The following LPA variants were observed in gnomAD, a reference collection of about 807,000 sequenced individuals.
LPA encodes apolipoprotein(a).
In LPA, 199 loss-of-function variants were observed where a neutral mutation model predicts 197.9. The ratio of observed to expected loss-of-function variants is 1.01; its 90% confidence interval spans 0.90 to 1.13. LPA has a LOEUF of 1.13. Ranked by LOEUF, LPA falls within the 50% of genes most tolerant of loss-of-function variation. The probability of loss-of-function intolerance (pLI) is 0.00; values close to 1 mark genes in which losing one functional copy is unlikely to be tolerated. For synonymous variants in LPA, 715 were observed against 639.5 expected, an observed-to-expected ratio of 1.12 and a Z score of -1.78; for missense variants, 1,853 against 1,785.8, an observed-to-expected ratio of 1.04 and a Z score of -0.68.
In LPA at chr6:160,601,053, G is replaced by T; in HGVS notation, c.2991C>A (p.Ala997=). ...NYCRNPDPVA[A]PWCYTTDPSV... ...TGGGATCTGTTGTATAACACCAAGG[G>T]GCTGCCACAGGATCTGGATTTCGGC... The change falls in exon 19 of 39, where the codon GCC becomes GCA. Residue 997 remains alanine (A), a synonymous_variant. Coordinates refer to ENST00000316300, the MANE Select transcript of LPA (RefSeq NM_005577.4). The T allele has an allele frequency of 6.2e-7, 1 of 1,614,044 alleles. No individual in the cohort carries two copies. The highest frequency in any genetic ancestry group is 1.1e-5 in the South Asian group (1 of 91,082).
chr6:160,546,290 A>G (rs1175106356), intron 32 of LPA, among the ~76,000 whole-genome samples: 2 of 152,142 alleles, frequency 1.3e-5, no homozygotes, highest in East Asian at 1.9e-4. Flanking sequence ...TGAAGCCTCC[A>G]TAAAAACCCA....
intron 28 of LPA, among the ~76,000 whole-genome samples, chr6:160,567,966 A>T (rs1488605041): frequency 6.6e-6 from 1 of 152,242 alleles, no homozygotes; most frequent in Non-Finnish European, 1.5e-5. Context: ...ATCCTTGAAT[A>T]GACCAATAAC....
chr6:160,663,389 G>A (rs1164910681), intron 1 of LPA, among the ~76,000 whole-genome samples: 1 of 152,148 alleles, frequency 6.6e-6, no homozygotes, highest in Non-Finnish European at 1.5e-5. Flanking sequence ...TTGGTCACGA[G>A]ACAAATAACA....
intron 1 of LPA, among the ~76,000 whole-genome samples, chr6:160,656,870 T>C (rs776973211): frequency 2.0e-5 from 3 of 152,228 alleles, no homozygotes; most frequent in Non-Finnish European, 4.4e-5. Flanking sequence ...TTTGTTTATA[T>C]AAATCAAGTA....
chr6:160,553,651 C>T (rs9457936), intron 30 of LPA, among the ~76,000 whole-genome samples: 10 of 152,156 alleles, frequency 6.6e-5, no homozygotes, highest in African/African-American at 1.7e-4. Flanking sequence ...TGATGTTGGA[C>T]GATTTATCTA....
rs1462375086 is a variant in LPA at position 160,587,783 on chromosome 6, G to T, written c.3948-1153C>A. 1.3e-3 allele frequency among the ~76,000 whole-genome samples: 164 copies of T among 121,736 alleles called. 4 individuals are homozygous for T. The East Asian group carries it at 0.034, about 26-fold the overall frequency. The allele number at this position is 121,736 out of a possible 152,430, so 79.9% of individuals were successfully genotyped here. A position where few individuals can be genotyped will look rare whatever the true frequency, so the allele number is the denominator to read the frequency against. ...TGTGTGTGTGTGTGTGTGTGTGTGT[G>T]TGTGTGTGTGTGTGTGTTTCTGTCT... On this transcript the variant is annotated intron_variant, in intron 24 of 38. Transcript: ENST00000316300.
chr6:160,635,450 A>G, intron 6 of LPA, 146 bp from the exon 7 acceptor site: 4 of 452,136 alleles, frequency 8.8e-6, no homozygotes, highest in South Asian at 4.4e-5. Flanking sequence ...CCACCAGCAA[A>G]AATGGCTCTC....
At chr6:160,654,103 A>AT (rs533981032) in intron 1 of LPA, among the ~76,000 whole-genome samples, 3 of 55,688 alleles carry the variant, frequency 5.4e-5, no homozygotes, top group African/African-American at 2.2e-4. Context: ...TATATAATAT[A>AT]ATATATTATA....
intron 28 of LPA, among the ~76,000 whole-genome samples, chr6:160,576,320 A>ATGTG (rs530223802): frequency 1.7e-4 from 10 of 59,090 alleles, no homozygotes; most frequent in African/African-American, 5.2e-4. Context: ...ACCTGTATGT[A>ATGTG]TGTGTGTGTG....
intron 2 of LPA, among the ~76,000 whole-genome samples, chr6:160,649,694 G>A (rs1779969256): frequency 1.3e-5 from 2 of 152,110 alleles, no homozygotes; most frequent in Non-Finnish European, 2.9e-5. Flanking sequence ...CTTGTCTTTG[G>A]TAGTCACTTA....
chr6:160,596,603 C>T (rs184101287), intron 20 of LPA, among the ~76,000 whole-genome samples: 2 of 152,202 alleles, frequency 1.3e-5, no homozygotes, highest in Admixed American at 1.3e-4. Flanking sequence ...GATGCCATTA[C>T]ATATTATGTA....
intron 26 of LPA, among the ~76,000 whole-genome samples, chr6:160,583,470 T>A (rs1562330864): frequency 6.6e-6 from 1 of 152,130 alleles, no homozygotes; most frequent in Non-Finnish European, 1.5e-5. Flanking sequence ...GGGTCTTTGC[T>A]GAATGCCCAA....
intron 28 of LPA, among the ~76,000 whole-genome samples, chr6:160,575,413 G>A (rs1386267605): frequency 1.3e-5 from 2 of 152,162 alleles, no homozygotes; most frequent in African/African-American, 2.4e-5. Flanking sequence ...CTTCTTGTAT[G>A]TCTAGTAAAT....
rs1779361116 is a variant in LPA, at chr6:160,606,666, T to C, written c.2604-8A>G. ...TAGTTCATGATCAAGCCACTGGAAA[T>C]TCCAAAACGATACACGTCACAAGAG... On this transcript the variant is annotated splice_polypyrimidine_tract_variant and splice_region_variant and intron_variant, in intron 16 of 38. Coordinates refer to ENST00000316300, the MANE Select transcript of LPA (RefSeq NM_005577.4). 1 of 1,613,858 alleles carries C rather than the reference T, an allele frequency of 6.2e-7. No individual in the cohort carries two copies.
At chr6:160,635,089 G>T (rs751514001) in intron 7 of LPA, 34 bp downstream of exon 7, 2 of 1,219,768 alleles carry the variant, frequency 1.6e-6, no homozygotes, top group Admixed American at 1.7e-5. Flanking sequence ...TCCCAGCATC[G>T]AAGCGTGTAG....
At chr6:160,605,001 T>G (rs1272021969) in intron 18 of LPA, 45 bp downstream of exon 18, 2 of 1,610,928 alleles carry the variant, frequency 1.2e-6, no homozygotes, top group African/African-American at 1.3e-5. Context: ...TAACAGAAAT[T>G]TCCACTGACC....
At position 160,598,679 on chromosome 6, in the gene LPA, C is replaced by T. The variant is rs41271010; in HGVS notation, c.3287+821G>A. 1.4e-3 allele frequency among the ~76,000 whole-genome samples: 210 copies of T among 152,348 alleles called. 1 individual carries two copies. The highest frequency in any genetic ancestry group is 4.8e-3 in the African/African-American group (200 of 41,574). On this transcript the variant is annotated intron_variant, in intron 20 of 38. Transcript: ENST00000316300. ...TCGCCCCTTTGCTGACTCTCATCTG[C>T]TTTCCTGCCTTTGTTCTTCTCCTCT...
At chr6:160,609,950 T>A (rs1779452683) in intron 16 of LPA, among the ~76,000 whole-genome samples, 1 of 152,162 alleles carries the variant, frequency 6.6e-6, no homozygotes, top group Non-Finnish European at 1.5e-5. Flanking sequence ...ATTTAAGACA[T>A]ACTTTTTGTA....
rs372776354 is a variant in LPA at position 160,585,069 on chromosome 6, C to G, written c.4266G>C (p.Arg1422Ser). Residue 1422 changes from arginine to serine, a missense_variant, in exon 26 of 39, where the codon AGG (arginine) becomes AGC (serine). Arg to Ser is a moderately radical substitution (Grantham distance 110). Coordinates refer to ENST00000316300, the MANE Select transcript of LPA (RefSeq NM_005577.4). ...ACGCATTTGGATAGTATAATGGGAT[C>G]CTCCGATGCCAATGTGGTGTCATAG... Reference protein sequence around the residue: ...WSSMTPHWHRRIPLYYPNAGL... With the variant: ...WSSMTPHWHRSIPLYYPNAGL... 3.1e-6 allele frequency: 5 copies of G among 1,613,630 alleles called. No homozygotes were observed. Among genetic ancestry groups the G allele is most frequent in the Non-Finnish European group, 4.2e-6 (5 of 1,179,770 alleles).
Sources: gnomAD v4.1 joint callset for allele counts (sites outside exome capture counted in the v4.1 genomes callset) on GRCh38, gnomAD v4.1.1 for gene constraint, MANE v1.5 for transcripts, NCBI Gene and HGNC (gene_info 2026-07-23, HGNC 2026-07-21) for gene names.